The following ZNG1F variants were observed in gnomAD, a reference collection of about 807,000 sequenced individuals.
ZNG1F encodes zinc-regulated GTPase metalloprotein activator 1F.
At chr9:41,201,535 C>T in the ZNG1F span, among the ~76,000 whole-genome samples, 345 of 140,614 alleles carry the variant, frequency 2.5e-3, no homozygotes, top group African/African-American at 8.5e-3. Context: ...ATACTGATTG[C>T]GTATACCTTT....
the ZNG1F span, among the ~76,000 whole-genome samples, chr9:41,185,631 C>T: frequency 6.6e-6 from 1 of 151,822 alleles, no homozygotes; most frequent in Non-Finnish European, 1.5e-5. Flanking sequence ...TGAGATTGCA[C>T]CACTGCACTC....
chr9:41,200,239 C>T, the ZNG1F span, among the ~76,000 whole-genome samples: 2 of 13,938 alleles, frequency 1.4e-4, no homozygotes, highest in South Asian at 3.3e-3. Flanking sequence ...GCCAAGTCAC[C>T]TCTTGAATGC....
At chr9:41,144,404 A>C in the ZNG1F span, among the ~76,000 whole-genome samples, 1 of 117,034 alleles carries the variant, frequency 8.5e-6, no homozygotes, top group African/African-American at 3.1e-5. Context: ...TTTTTTTACC[A>C]TAAATTCTAT....
the ZNG1F span, among the ~76,000 whole-genome samples, chr9:41,150,022 G>A: frequency 2.2e-5 from 1 of 45,194 alleles, no homozygotes; most frequent in East Asian, 5.4e-4. Flanking sequence ...CGTGAGAGAC[G>A]CAGAAGACAG....
the ZNG1F span, among the ~76,000 whole-genome samples, chr9:41,204,989 T>C: frequency 6.6e-6 from 1 of 150,534 alleles, no homozygotes. Flanking sequence ...AAATCTCCTT[T>C]TCGTATGTTC....
chr9:41,168,411 A>T, the ZNG1F span, among the ~76,000 whole-genome samples: 5 of 27,822 alleles, frequency 1.8e-4, 2 homozygotes, highest in Admixed American at 6.0e-4. Flanking sequence ...TTTTTTCATA[A>T]TTCATCTTGG....
chr9:41,193,464 A>G, the ZNG1F span, among the ~76,000 whole-genome samples: 1 of 115,960 alleles, frequency 8.6e-6, no homozygotes. Flanking sequence ...AAATCAAACT[A>G]AAACTTTAAA....
the ZNG1F span, among the ~76,000 whole-genome samples, chr9:41,185,103 A>G: frequency 1.6e-3 from 234 of 145,518 alleles, 11 homozygotes; most frequent in African/African-American, 5.5e-3. Flanking sequence ...CTTATGAAGA[A>G]AAACTCCTAT....
At chr9:41,157,731 C>T in the ZNG1F span, 1 of 151,114 alleles carries the variant, frequency 6.6e-6, no homozygotes, top group Non-Finnish European at 1.5e-5. Flanking sequence ...TTATTCTCAA[C>T]AGTCTATCAC....
the ZNG1F span, among the ~76,000 whole-genome samples, chr9:41,147,671 T>C: frequency 1.2e-5 from 1 of 85,044 alleles, no homozygotes; most frequent in Admixed American, 1.3e-4. Context: ...AGACCCTGTC[T>C]CCAAGGGGAA....
chr9:41,150,265 G>A, the ZNG1F span, among the ~76,000 whole-genome samples: 7 of 149,602 alleles, frequency 4.7e-5, no homozygotes, highest in Non-Finnish European at 8.9e-5. Context: ...CTTTTCTGAC[G>A]GGCTTAAAAA....
chr9:41,187,119 A>C, the ZNG1F span, among the ~76,000 whole-genome samples: 1 of 148,056 alleles, frequency 6.8e-6, no homozygotes, highest in Non-Finnish European at 1.5e-5. Context: ...GGGCTTTTTA[A>C]CCATATTATG....
the ZNG1F span, among the ~76,000 whole-genome samples, chr9:41,152,565 CA>C: frequency 3.6e-5 from 5 of 139,816 alleles, no homozygotes; most frequent in East Asian, 8.3e-4. Context: ...TTCAGCACCA[CA>C]CCACACCTAT....
At chr9:41,199,900 A>G in the ZNG1F span, among the ~76,000 whole-genome samples, 1 of 147,368 alleles carries the variant, frequency 6.8e-6, no homozygotes, top group Non-Finnish European at 1.5e-5. Context: ...GGCTCCTTTC[A>G]TTCATGGCTG....
the ZNG1F span, among the ~76,000 whole-genome samples, chr9:41,204,883 T>A: frequency 3.4e-5 from 5 of 148,306 alleles, no homozygotes; most frequent in Admixed American, 1.4e-4. Context: ...TTAATAATTT[T>A]ATGAGTTATA....
the ZNG1F span, among the ~76,000 whole-genome samples, chr9:41,139,641 T>C: frequency 1.3e-5 from 2 of 151,740 alleles, no homozygotes; most frequent in Admixed American, 6.6e-5. Context: ...TAAAAAAAGA[T>C]TCAAATTGAA....
At chr9:41,185,690 T>TA in the ZNG1F span, among the ~76,000 whole-genome samples, 1 of 151,236 alleles carries the variant, frequency 6.6e-6, no homozygotes, top group East Asian at 1.9e-4. Context: ...TAAAATAAAA[T>TA]AAAAAATAAA....
chr9:41,204,388 TTATATATATATATATATA>T, the ZNG1F span, among the ~76,000 whole-genome samples: 6 of 20,226 alleles, frequency 3.0e-4, no homozygotes, highest in African/African-American at 7.3e-4. Context: ...AATTTTTATT[TTATATATATATATATATA>T]TATATATATA....
chr9:41,158,235 A>G, the ZNG1F span: 1 of 79,902 alleles, frequency 1.3e-5, no homozygotes, highest in Non-Finnish European at 2.7e-5. Context: ...AATCGCTTGA[A>G]CCCAGGAGGC....
Sources: allele counts gnomAD v4.1 joint callset (sites outside exome capture counted in the v4.1 genomes callset), GRCh38; gene constraint gnomAD v4.1.1; transcripts MANE v1.5; gene names NCBI Gene and HGNC (gene_info 2026-07-23, HGNC 2026-07-21).